Variants in ANKLE1 observed in about 807,000 individuals in gnomAD.
ANKLE1 encodes ankyrin repeat and LEM domain containing 1.
Under a neutral mutation model 56.2 loss-of-function variants are expected in ANKLE1, and 59 were observed. The ratio of observed to expected loss-of-function variants is 1.05; its 90% CI spans 0.85 to 1.30. The LOEUF (loss-of-function observed/expected upper bound fraction) is 1.30. Among genes scored for constraint, ANKLE1 ranks in the 50% most tolerant of loss-of-function variants. The pLI is 0.00. For missense variants in ANKLE1, 771 were observed against 816.1 expected, an observed-to-expected ratio of 0.94 and a Z score of 0.67; for synonymous variants, 341 against 352.9, an observed-to-expected ratio of 0.97 and a Z score of 0.38.
rs1316256750 is a variant in ANKLE1, at chr19:17,286,452, G to A, written c.1748G>A (p.Arg583His). 14 of 1,611,826 alleles carry A rather than the reference G, an allele frequency of 8.7e-6. No individual in the cohort carries two copies. The East Asian group carries it at 1.3e-4, about 15-fold the overall frequency. ...GVVAGWPPAR[R>H]RRLGVHLLHR... ...GTGGCAGGCTGGCCACCTGCTCGTC[G>A]CCGGCGCTTGGGGGTGCACCTGCTG... The change falls in exon 9 of 9, where the codon CGC becomes CAC. Residue 583 changes from arginine (R) to histidine (H), a missense_variant. By Grantham distance (29) the Arg-to-His change is conservative. Coordinates refer to ENST00000404085, the MANE Select transcript of ANKLE1 (RefSeq NM_152363.6).
Position 17,283,539 on chromosome 19 carries a change from C to T in ANKLE1, c.775C>T (p.Gln259Ter), listed in dbSNP as rs1300136705. The part of the protein sequence containing the change: ...QGLLHVVHAN[Q>*]RVPRSQGTEA... Reference sequence around the variant, plus strand: ...ACTTCTGCATGTTGTCCATGCCAACCAGAGGGTACCTAGGTCTCAGGGCAC... The same window carrying T: ...ACTTCTGCATGTTGTCCATGCCAACTAGAGGGTACCTAGGTCTCAGGGCAC... Residue 259 changes from glutamine to a stop codon, truncating the protein, a stop_gained, in exon 5 of 9, where the codon CAG becomes TAG. Coordinates refer to ENST00000404085, the MANE Select transcript of ANKLE1 (RefSeq NM_152363.6). LOFTEE classifies it high-confidence loss of function. 4.3e-6 allele frequency: 7 copies of T among 1,613,060 alleles called. No homozygotes were observed. Among genetic ancestry groups the T allele is most frequent in the Non-Finnish European group, 5.1e-6 (6 of 1,179,766 alleles).
intron 5 of ANKLE1, 22 bp from the exon 6 acceptor site, chr19:17,284,067 C>T (rs1266015836): frequency 2.5e-6 from 4 of 1,611,284 alleles, no homozygotes; most frequent in East Asian, 2.2e-5. Flanking sequence ...TCATCCCTTC[C>T]TCCATCTCCC....
rs1227614540 is a variant in ANKLE1, at chr19:17,285,750, C to G, written c.1606C>G (p.Leu536Val). The G allele has an allele frequency of 6.2e-7, 1 of 1,613,790 alleles. No homozygotes were observed. The highest frequency in any genetic ancestry group is 8.5e-7 in the Non-Finnish European group (1 of 1,179,876). The change falls in exon 8 of 9, where the codon CTA becomes GTA. Residue 536 changes from leucine to valine, a missense_variant. Leu to Val is a conservative substitution (Grantham distance 32, BLOSUM62 1). Transcript: ENST00000404085. ...IWASGCGVVS[L>V]HCFQHVVAVE... ...GGCCAGTGGTTGCGGTGTTGTGTCC[C>G]TACATTGCTTCCAGCACGTGGTCGC...
chr19:17,282,468 A>G, intron 2 of ANKLE1, 188 bp from the exon 3 acceptor site: 1 of 809,980 alleles, frequency 1.2e-6, no homozygotes, highest in Non-Finnish European at 2.0e-6. Context: ...TGGAGGCACC[A>G]GGGTCAGACG....
chr19:17,286,745 G>A lies in ANKLE1; in HGVS notation c.*193G>A. 11 of 1,445,392 alleles carry A rather than the reference G, an allele frequency of 7.6e-6. No individual in the cohort carries two copies. Among genetic ancestry groups the A allele is most frequent in the Non-Finnish European group, 1.0e-5 (11 of 1,096,030 alleles). The allele number at this position is 1,445,392 out of a possible 1,614,324, so 89.5% of individuals were successfully genotyped here. ...CACCCAGGCAGATCTCCCCCAGGCT[G>A]AGAGAGGACTTTGTTACAGATGGTA... On this transcript the variant is annotated 3_prime_UTR_variant, in exon 9 of 9. Transcript: ENST00000404085.
chr19:17,283,799 T>C lies in ANKLE1; in HGVS notation c.1035T>C (p.Gly345=). The part of the protein sequence containing the change: ...WLTEDEASST[G]GREPVGPCRH... The stretch of plus-strand genomic sequence containing the variant: ...CAGAGGATGAGGCAAGCTCTACAGG[T>C]GGCAGGGAACCTGTCGGCCCTTGCC... The change falls in exon 5 of 9, where the codon GGT becomes GGC. Residue 345 remains glycine, a synonymous_variant. Transcript: ENST00000404085. The C allele has an allele frequency of 6.2e-7, 1 of 1,613,472 alleles. No homozygotes were observed. Among genetic ancestry groups the C allele is most frequent in the Middle Eastern group, 1.7e-4 (1 of 6,060 alleles).
At chr19:17,284,497 T>C (rs1217724067) in intron 6 of ANKLE1, among the ~76,000 whole-genome samples, 1 of 151,808 alleles carries the variant, frequency 6.6e-6, no homozygotes, top group Non-Finnish European at 1.5e-5. Context: ...AATCCTCTTG[T>C]CTCAGCCTCT....
At chr19:17,284,057 T>C in intron 5 of ANKLE1, 32 bp from the exon 6 acceptor site, 6 of 1,609,888 alleles carry the variant, frequency 3.7e-6, no homozygotes, top group Non-Finnish European at 5.1e-6. Context: ...CATCTCAGAA[T>C]CATCCCTTCC....
At position 17,283,604 on chromosome 19, in the gene ANKLE1, G is replaced by T. The variant is rs762197244; in HGVS notation, c.840G>T (p.Leu280=). ...ELNARLQALT[L]TPPNAAGFQS... ...ATGCCCGTCTGCAGGCCCTGACTCT[G>T]ACCCCACCAAATGCTGCTGGCTTCC... Residue 280 remains leucine (L), a synonymous_variant, in exon 5 of 9, where the codon CTG becomes CTT. Transcript: ENST00000404085. The T allele has an allele frequency of 6.2e-7, 1 of 1,612,214 alleles. No individual in the cohort carries two copies. The highest frequency in any genetic ancestry group is 1.1e-5 in the South Asian group (1 of 91,006).
intron 2 of ANKLE1, 85 bp downstream of exon 2, chr19:17,282,294 A>AG (rs5827367): frequency 1 from 1,430,864 of 1,430,902 alleles, 715,413 homozygotes; most frequent in Middle Eastern, 1. Flanking sequence ...ATCCCGGGCC[A>AG]GGCCTCGGGG....
Position 17,283,873 on chromosome 19 carries a change from T to C in ANKLE1, c.1109T>C (p.Leu370Pro). The C allele has an allele frequency of 6.2e-7, 1 of 1,613,640 alleles. No individual in the cohort carries two copies. ...TCTGACTTGGAGTTGCTGAAGGGAC[T>C]CCGAGCACTTGGTGAGAATCCTCAC... The part of the protein sequence containing the change: ...TVSDLELLKG[L>P]RALGENPHPI... The change falls in exon 5 of 9, where the codon CTC becomes CCC. Residue 370 changes from leucine (L) to proline (P), a missense_variant. Physicochemically the swap from Leu to Pro is moderately conservative, Grantham distance 98 (BLOSUM62 -3). Transcript: ENST00000404085.
At chr19:17,282,579 C>G in intron 2 of ANKLE1, 77 bp from the exon 3 acceptor site, 1 of 1,377,558 alleles carries the variant, frequency 7.3e-7, no homozygotes, top group Admixed American at 2.0e-5. Context: ...ACGAAGGCTC[C>G]AGGTCCCCAG....
Position 17,286,676 on chromosome 19 carries a change from GTGTGTGTGTGTGTGTT to G in ANKLE1, c.*140_*155del, listed in dbSNP as rs780452630. The G allele has an allele frequency of 0.017, 18,948 of 1,096,946 alleles. 9 individuals are homozygous for G. Among genetic ancestry groups the G allele is most frequent in the African/African-American group, 0.026 (1,141 of 44,348 alleles). The allele number at this position is 1,096,946 out of a possible 1,614,324, so 68.0% of individuals were successfully genotyped here. A position where few individuals can be genotyped will look rare whatever the true frequency, so the allele number is the denominator to read the frequency against. On this transcript the variant is annotated 3_prime_UTR_variant, in exon 9 of 9. Coordinates refer to ENST00000404085, the MANE Select transcript of ANKLE1 (RefSeq NM_152363.6). ...TGTGTGTGTGTGTGTGTGTGTGTGT[GTGTGTGTGTGTGTGTT>G]TGTGTGTGTGTGTGTGTGTGTAGGG...
chr19:17,282,338 G>A, intron 2 of ANKLE1, 129 bp downstream of exon 2: 2 of 1,314,718 alleles, frequency 1.5e-6, no homozygotes, highest in Non-Finnish European at 2.0e-6. Context: ...CTTGGGGAGG[G>A]AACTTGGGGG....
In ANKLE1 at chr19:17,282,074, TGCG is replaced by T; in HGVS notation, c.81_83del (p.Arg28del). 1 of 1,539,786 alleles carries T rather than the reference TGCG, an allele frequency of 6.5e-7. No homozygotes were observed. The highest frequency in any genetic ancestry group is 8.7e-7 in the Non-Finnish European group (1 of 1,146,624). On this transcript the variant is annotated inframe_deletion, in exon 2 of 9. Coordinates refer to ENST00000404085, the MANE Select transcript of ANKLE1 (RefSeq NM_152363.6). ...GTTTGCAGGGCAGTAGAGGAGCTGC[TGCG>T]CTGCGGCGCGGACCCTAATTTGGTG...
chr19:17,282,095 A>G lies in ANKLE1; in HGVS notation c.101A>G (p.Asn34Ser), dbSNP rs928315677. ...EELLRCGADP[N>S]LVLEDGAAAV... is the part of the protein sequence containing the mutation. Reference sequence around the variant, plus strand: ...CTGCTGCGCTGCGGCGCGGACCCTAATTTGGTGCTAGAGGACGGCGCAGCG... The same window carrying G: ...CTGCTGCGCTGCGGCGCGGACCCTAGTTTGGTGCTAGAGGACGGCGCAGCG... The change falls in exon 2 of 9, where the codon AAT (asparagine) becomes AGT (serine). Residue 34 changes from asparagine to serine, a missense_variant. Transcript: ENST00000404085. 5.2e-6 allele frequency: 8 copies of G among 1,541,106 alleles called. No homozygotes were observed. In the African/African-American group the frequency reaches 8.2e-5, roughly 16 times the overall value.
chr19:17,285,628 G>C lies in ANKLE1; in HGVS notation c.1536+38G>C, dbSNP rs193021583. The C allele has an allele frequency of 9.2e-5, 149 of 1,613,858 alleles. No homozygotes were observed. In the African/African-American group the frequency reaches 1.8e-3, roughly 19 times the overall value. On this transcript the variant is annotated intron_variant, in intron 7 of 8. Coordinates refer to ENST00000404085, the MANE Select transcript of ANKLE1 (RefSeq NM_152363.6). ...GGATCAGGGTTCAGCGAGGGCAGTC[G>C]GGCCATGGGCAGGGGAGGGTATTGG...
At chr19:17,282,818 A>G (rs1024690781) in intron 3 of ANKLE1, 46 bp from the exon 4 acceptor site, 51 of 1,582,104 alleles carry the variant, frequency 3.2e-5, no homozygotes, top group Admixed American at 7.0e-5. Context: ...GGAGGGAAGG[A>G]AGGTAAGAGG....
rs2074038319 is a variant in ANKLE1, at chr19:17,286,689, TG to T, written c.*138del. The T allele has an allele frequency of 1.3e-4, 51 of 403,612 alleles. No individual in the cohort carries two copies. Among genetic ancestry groups the T allele is most frequent in the Middle Eastern group, 6.8e-4 (1 of 1,466 alleles). 25.0% of individuals were successfully genotyped at this position (403,612 alleles called of 1,614,324 possible). On this transcript the variant is annotated 3_prime_UTR_variant, in exon 9 of 9. Transcript: ENST00000404085. ...GTGTGTGTGTGTGTGTGTGTGTGTG[TG>T]TTTGTGTGTGTGTGTGTGTGTGTAG...
Sources: gnomAD v4.1 joint callset for allele counts (sites outside exome capture counted in the v4.1 genomes callset) on GRCh38, gnomAD v4.1.1 for gene constraint, MANE v1.5 for transcripts, NCBI Gene and HGNC (gene_info 2026-07-23, HGNC 2026-07-21) for gene names.